The following ALK variants were observed in gnomAD, a reference collection of about 807,000 sequenced individuals.
ALK encodes the protein ALK receptor tyrosine kinase, also known as ALK tyrosine kinase receptor.
Under a neutral mutation model 163.1 loss-of-function variants are expected in ALK, and 74 were observed. That is an observed-to-expected ratio of 0.45 (90% CI 0.38 to 0.55). The LOEUF is 0.55. Ranked by LOEUF, ALK falls within the 20% of genes least tolerant of loss-of-function variation. The pLI, the probability that ALK is intolerant of heterozygous loss-of-function variation, is 0.00. For missense variants in ALK, 2,063 were observed against 2,105.3 expected, an observed-to-expected ratio of 0.98 and a Z score of 0.39; for synonymous variants, 960 against 843.2, an observed-to-expected ratio of 1.14 and a Z score of -2.40.
chr2:29,386,613 G>A (rs1669038199), intron 4 of ALK, among the ~76,000 whole-genome samples: 1 of 152,196 alleles, frequency 6.6e-6, no homozygotes, highest in Non-Finnish European at 1.5e-5. Flanking sequence ...GTACACAGCG[G>A]CCCTTGACAA....
At chr2:29,563,301 G>A (rs11688700) in intron 3 of ALK, among the ~76,000 whole-genome samples, 17,951 of 152,266 alleles carry the variant, frequency 0.12, 1,400 homozygotes, top group Non-Finnish European at 0.18. Flanking sequence ...AACACCTAGC[G>A]CTATTCAGAA....
At chr2:29,790,933 G>A (rs1354925571) in intron 1 of ALK, among the ~76,000 whole-genome samples, 1 of 152,148 alleles carries the variant, frequency 6.6e-6, no homozygotes, top group Non-Finnish European at 1.5e-5. Flanking sequence ...ACTCCAGGCT[G>A]CAGAAACTGG....
intron 8 of ALK, 146 bp from the exon 9 acceptor site, chr2:29,297,203 C>T: frequency 2.5e-6 from 2 of 805,486 alleles, no homozygotes; most frequent in South Asian, 3.0e-5. Flanking sequence ...CCACCTGTCT[C>T]ACCAAGAGGC....
intron 5 of ALK, among the ~76,000 whole-genome samples, chr2:29,372,609 G>A (rs1255395416): frequency 6.6e-6 from 1 of 151,858 alleles, no homozygotes; most frequent in Non-Finnish European, 1.5e-5. Flanking sequence ...CCCAGGGATA[G>A]GTGTCACTGT....
At position 29,227,437 on chromosome 2, in the gene ALK, C is replaced by T. The variant is rs542362603; in HGVS notation, c.2914+137G>A. On this transcript the variant is annotated intron_variant, in intron 17 of 28. Coordinates refer to ENST00000389048, the MANE Select transcript of ALK (RefSeq NM_004304.5). This position sits in a 1 kb window ranked among gnomAD's most constrained non-coding sequence, Gnocchi z 4.4. ...GACTTCTGGAAAATGTGGTGACCTG[C>T]GCCATAGGAAGCTTGCCTGCCAGGG... 2.1e-5 allele frequency: 17 copies of T among 824,204 alleles called. No homozygotes were observed. The highest frequency in any genetic ancestry group is 8.4e-5 in the African/African-American group (5 of 59,640). 51.1% of individuals were successfully genotyped at this position (824,204 alleles called of 1,614,324 possible).
chr2:29,559,146 T>G (rs1436737963), intron 3 of ALK, among the ~76,000 whole-genome samples: 1 of 152,312 alleles, frequency 6.6e-6, no homozygotes, highest in East Asian at 1.9e-4. Flanking sequence ...CTGGATGGAC[T>G]TTTGCTTATC....
chr2:29,686,798 G>A (rs1483965842), intron 3 of ALK, among the ~76,000 whole-genome samples: 1 of 152,180 alleles, frequency 6.6e-6, no homozygotes. Flanking sequence ...TTCCCTGGAA[G>A]GTCCACCCCT....
rs1419524831 is a variant in ALK at position 29,227,788 on chromosome 2, T to G, written c.2816-116A>C. ...CAAAGTTAGGGGGTCACTGGGGACC[T>G]CAGGGGCAGGGATGCGGGGAGGGAA... On this transcript the variant is annotated intron_variant, in intron 16 of 28. Coordinates refer to ENST00000389048, the MANE Select transcript of ALK (RefSeq NM_004304.5). The surrounding 1 kb of genome is among the most constrained non-coding windows in gnomAD (Gnocchi z 4.4). 2 of 791,648 alleles carry G rather than the reference T, an allele frequency of 2.5e-6. No individual in the cohort carries two copies. The highest frequency in any genetic ancestry group is 1.7e-5 in the African/African-American group (1 of 59,086). 49.0% of individuals were successfully genotyped at this position (791,648 alleles called of 1,614,324 possible).
chr2:29,357,897 C>T (rs1235765275), intron 5 of ALK, among the ~76,000 whole-genome samples: 1 of 152,214 alleles, frequency 6.6e-6, no homozygotes, highest in African/African-American at 2.4e-5. Context: ...AATAATATCT[C>T]ACTGGCTTGG....
intron 11 of ALK, among the ~76,000 whole-genome samples, chr2:29,270,079 C>G (rs1047414948): frequency 1.3e-5 from 2 of 151,952 alleles, no homozygotes; most frequent in Non-Finnish European, 2.9e-5. Flanking sequence ...AAAGAGAGAT[C>G]CCTCTCGAAG....
chr2:29,246,517 G>A lies in ALK; in HGVS notation c.2204+4588C>T, dbSNP rs974794570. Among the ~76,000 whole-genome samples, 1 of 152,168 alleles carries A rather than the reference G, an allele frequency of 6.6e-6. No individual in the cohort carries two copies. Among genetic ancestry groups the A allele is most frequent in the African/African-American group, 2.4e-5 (1 of 41,418 alleles). ...AGACACCATGGTTACTCAGCACCAC[G>A]GCCCAGAGGCCTCCTGATCAGGGCC... On this transcript the variant is annotated intron_variant, in intron 12 of 28. Coordinates refer to ENST00000389048, the MANE Select transcript of ALK (RefSeq NM_004304.5). This position sits in a 1 kb window ranked among gnomAD's most constrained non-coding sequence, Gnocchi z 4.3.
At chr2:29,719,107 G>A (rs539061721) in intron 1 of ALK, among the ~76,000 whole-genome samples, 2 of 152,342 alleles carry the variant, frequency 1.3e-5, no homozygotes, top group East Asian at 3.9e-4. Flanking sequence ...TGCAGGTGCT[G>A]CCCTTAGGCA....
intron 4 of ALK, among the ~76,000 whole-genome samples, chr2:29,506,455 A>T (rs2148136091): frequency 6.6e-6 from 1 of 152,326 alleles, no homozygotes; most frequent in South Asian, 2.1e-4. Flanking sequence ...TATGAGACTT[A>T]GCTTTAGAAG....
At chr2:29,200,925 T>G (rs1201756801) in intron 26 of ALK, among the ~76,000 whole-genome samples, 1 of 151,192 alleles carries the variant, frequency 6.6e-6, no homozygotes, top group Non-Finnish European at 1.5e-5. Flanking sequence ...CTGCCTGGAA[T>G]GATTGATAGA....
chr2:29,764,894 C>A (rs1337916513), intron 1 of ALK, among the ~76,000 whole-genome samples: 1 of 152,056 alleles, frequency 6.6e-6, no homozygotes, highest in African/African-American at 2.4e-5. Context: ...GGAGGTGGGA[C>A]CTAGTTGGAG....
intron 4 of ALK, among the ~76,000 whole-genome samples, chr2:29,388,929 G>A (rs1669095377): frequency 6.6e-6 from 1 of 152,222 alleles, no homozygotes; most frequent in Non-Finnish European, 1.5e-5. Flanking sequence ...ATTAGGATTT[G>A]ACTATGATAG....
At chr2:29,885,989 T>C (rs1267537632) in intron 1 of ALK, among the ~76,000 whole-genome samples, 1 of 152,168 alleles carries the variant, frequency 6.6e-6, no homozygotes, top group Non-Finnish European at 1.5e-5. Flanking sequence ...CTCCTCCACC[T>C]CTTCTGCTCC....
intron 1 of ALK, among the ~76,000 whole-genome samples, chr2:29,914,484 G>A (rs1667780676): frequency 6.6e-6 from 1 of 152,160 alleles, no homozygotes; most frequent in Non-Finnish European, 1.5e-5. Context: ...ATGCTGGAGT[G>A]CAGCTGTTGC....
chr2:29,790,390 A>C lies in ALK; in HGVS notation c.668-72693T>G, dbSNP rs370194959. ...GGCTTGAAAAAATGTTAATCTATGC[A>C]AAATCCTCTTGTTCTCAGTATACAC... is the stretch of plus-strand genomic sequence containing the variant. On this transcript the variant is annotated intron_variant, in intron 1 of 28. Coordinates refer to ENST00000389048, the MANE Select transcript of ALK (RefSeq NM_004304.5). Among the ~76,000 whole-genome samples, 4 of 152,284 alleles carry C rather than the reference A, an allele frequency of 2.6e-5. No individual in the cohort carries two copies. The East Asian group carries it at 7.7e-4, about 29-fold the overall frequency.
Sources: gnomAD v4.1 joint callset for allele counts (sites outside exome capture counted in the v4.1 genomes callset) on GRCh38, gnomAD v4.1.1 for gene constraint, Gnocchi (gnomAD v3.1) non-coding constraint, MANE v1.5 for transcripts, NCBI Gene and HGNC (gene_info 2026-07-23, HGNC 2026-07-21) for gene names.